CADM2: variants seen among roughly 807,000 people sequenced by gnomAD.
CADM2 encodes immunoglobulin superfamily member 4D.
Under a neutral mutation model 49.8 loss-of-function variants are expected in CADM2, and 12 were observed. The observed-to-expected ratio is 0.24, with a 90% CI of 0.15 to 0.39. The LOEUF (loss-of-function observed/expected upper bound fraction) is 0.39. Ranked by LOEUF, CADM2 falls within the 10% of genes least tolerant of loss-of-function variation. The pLI is 1.00. For synonymous variants in CADM2, 214 were observed against 175.4 expected, an observed-to-expected ratio of 1.22 and a Z score of -1.74; for missense variants, 378 against 492.3, an observed-to-expected ratio of 0.77 and a Z score of 2.20.
At chr3:85,582,347 A>G (rs998220411) in intron 1 of CADM2, among the ~76,000 whole-genome samples, 7 of 152,218 alleles carry the variant, frequency 4.6e-5, no homozygotes, top group African/African-American at 7.2e-5. Flanking sequence ...GAATCAATCA[A>G]TGGAATCCAA....
At chr3:85,081,468 T>C (rs1366063713) in intron 1 of CADM2, among the ~76,000 whole-genome samples, 2 of 152,196 alleles carry the variant, frequency 1.3e-5, no homozygotes, top group African/African-American at 2.4e-5. Flanking sequence ...TTATACCAAG[T>C]ATAAGATTCA....
intron 1 of CADM2, among the ~76,000 whole-genome samples, chr3:85,230,829 C>G (rs758696108): frequency 6.6e-6 from 1 of 151,960 alleles, no homozygotes; most frequent in Non-Finnish European, 1.5e-5. Flanking sequence ...TCCTTTTGAA[C>G]CTTCTCATTA....
chr3:85,461,673 A>G (rs1240311796), intron 1 of CADM2, among the ~76,000 whole-genome samples: 1 of 152,000 alleles, frequency 6.6e-6, no homozygotes, highest in Non-Finnish European at 1.5e-5. Flanking sequence ...ATAACCTTTC[A>G]TTTTTAACTC....
intron 1 of CADM2, among the ~76,000 whole-genome samples, chr3:85,299,648 T>G (rs1012931945): frequency 2.0e-5 from 3 of 152,034 alleles, no homozygotes; most frequent in African/African-American, 4.8e-5. Context: ...CAGCCCATAT[T>G]ACTTCAGAGG....
At chr3:85,538,597 C>G (rs1421385669) in intron 1 of CADM2, among the ~76,000 whole-genome samples, 1 of 152,038 alleles carries the variant, frequency 6.6e-6, no homozygotes, top group Non-Finnish European at 1.5e-5. Flanking sequence ...AGTTAAAAGC[C>G]ATGGTTGGAG....
chr3:85,956,775 T>C (rs1040959862), intron 7 of CADM2, among the ~76,000 whole-genome samples: 1 of 151,400 alleles, frequency 6.6e-6, no homozygotes, highest in Non-Finnish European at 1.5e-5. Flanking sequence ...TTTAACTACA[T>C]ATTTACAGAG....
chr3:85,371,969 C>A (rs944624192), intron 1 of CADM2, among the ~76,000 whole-genome samples: 1 of 151,490 alleles, frequency 6.6e-6, no homozygotes, highest in Non-Finnish European at 1.5e-5. Flanking sequence ...ATTTGTTCAA[C>A]TAAGTTTTTT....
At chr3:85,515,664 G>T (rs2060884689) in intron 1 of CADM2, among the ~76,000 whole-genome samples, 1 of 146,564 alleles carries the variant, frequency 6.8e-6, no homozygotes, top group South Asian at 2.2e-4. Flanking sequence ...TAGAGACAGG[G>T]CTTCACCATG....
At chr3:85,239,334 G>T (rs1409913036) in intron 1 of CADM2, among the ~76,000 whole-genome samples, 2 of 151,650 alleles carry the variant, frequency 1.3e-5, no homozygotes, top group Non-Finnish European at 3.0e-5. Flanking sequence ...CATAAATGAA[G>T]ATATAATATT....
intron 1 of CADM2, among the ~76,000 whole-genome samples, chr3:85,178,270 A>G (rs1239579443): frequency 6.6e-6 from 1 of 151,972 alleles, no homozygotes. Flanking sequence ...TATGATCTAC[A>G]GAATATATTT....
At chr3:86,012,509 GC>G (rs1731650478) in intron 8 of CADM2, 5 of 1,229,580 alleles carry the variant, frequency 4.1e-6, no homozygotes, top group Non-Finnish European at 5.6e-6. Context: ...CGGGCGGACT[GC>G]CCTGAGGAGG....
At chr3:85,625,354 C>T (rs2064093975) in intron 1 of CADM2, among the ~76,000 whole-genome samples, 1 of 151,910 alleles carries the variant, frequency 6.6e-6, no homozygotes, top group Non-Finnish European at 1.5e-5. Context: ...TAAAGGCTAT[C>T]TTATCCATGG....
intron 8 of CADM2, among the ~76,000 whole-genome samples, chr3:85,999,270 T>C (rs57067838): frequency 0.049 from 6,530 of 134,196 alleles, 529 homozygotes; most frequent in African/African-American, 0.2. Flanking sequence ...AGGCCGAGGG[T>C]TGGGGGGTGG....
chr3:85,392,644 TCTC>T (rs2107402034), intron 1 of CADM2, among the ~76,000 whole-genome samples: 1 of 152,180 alleles, frequency 6.6e-6, no homozygotes, highest in Non-Finnish European at 1.5e-5. Context: ...TTAAAACAAT[TCTC>T]CAGGTAAATT....
At chr3:86,012,633 C>T (rs1359337235) in intron 8 of CADM2, 7 of 1,564,744 alleles carry the variant, frequency 4.5e-6, no homozygotes, top group South Asian at 1.1e-5. Context: ...TTCAGGTTCC[C>T]GCGGGACCCG....
intron 1 of CADM2, among the ~76,000 whole-genome samples, chr3:85,723,180 A>C (rs1009704538): frequency 5.3e-5 from 8 of 152,182 alleles, no homozygotes. Context: ...TTTTAATATT[A>C]TAACGAACAA....
intron 1 of CADM2, among the ~76,000 whole-genome samples, chr3:85,466,877 G>A (rs1488135074): frequency 2.6e-5 from 4 of 151,940 alleles, no homozygotes; most frequent in Admixed American, 6.6e-5. Flanking sequence ...AAGAGAAATT[G>A]CTTTTACTTT....
intron 1 of CADM2, among the ~76,000 whole-genome samples, chr3:85,389,479 T>G (rs1334016478): frequency 6.6e-6 from 1 of 152,134 alleles, no homozygotes; most frequent in Non-Finnish European, 1.5e-5. Flanking sequence ...TTTATTATGT[T>G]ATTTTTCTGT....
chr3:85,554,884 T>TA (rs2061916334), intron 1 of CADM2, among the ~76,000 whole-genome samples: 4 of 150,084 alleles, frequency 2.7e-5, no homozygotes, highest in African/African-American at 9.9e-5. Flanking sequence ...TTATTTTTAT[T>TA]TTTTTTTTTT....
Sources: allele counts gnomAD v4.1 joint callset (sites outside exome capture counted in the v4.1 genomes callset), GRCh38; gene constraint gnomAD v4.1.1; transcripts MANE v1.5; gene names NCBI Gene and HGNC (gene_info 2026-07-23, HGNC 2026-07-21).